CD47: variants seen among roughly 807,000 people sequenced by gnomAD.
CD47 encodes CD47 molecule.
A neutral mutation model predicts 44.6 loss-of-function variants in CD47; 11 were observed. The ratio of observed to expected loss-of-function variants is 0.25; its 90% CI spans 0.16 to 0.41. The LOEUF is 0.41. Among genes scored for constraint, CD47 ranks in the 10% least tolerant of loss-of-function variants. The probability of loss-of-function intolerance (pLI) is 1.00; values close to 1 mark genes in which losing one functional copy is unlikely to be tolerated. For missense variants in CD47, 306 were observed against 386.7 expected (o/e 0.79, Z 1.75); for synonymous variants, 140 against 136.3 (o/e 1.03, Z -0.19).
chr3:108,056,390 C>A (rs575467453), intron 7 of CD47, among the ~76,000 whole-genome samples: 1 of 152,076 alleles, frequency 6.6e-6, no homozygotes, highest in Non-Finnish European at 1.5e-5. Context: ...GAATATATGA[C>A]AGAATTGAAT....
chr3:108,058,111 G>A (rs545164833), intron 6 of CD47, among the ~76,000 whole-genome samples: 16 of 152,060 alleles, frequency 1.1e-4, no homozygotes, highest in South Asian at 4.2e-4. Flanking sequence ...TTACAGTCCC[G>A]TAATTGCACT....
At chr3:108,061,976 G>T (rs547317256) in intron 3 of CD47, among the ~76,000 whole-genome samples, 97 of 152,146 alleles carry the variant, frequency 6.4e-4, no homozygotes, top group African/African-American at 2.2e-3. Context: ...TATGTTTAAG[G>T]TATATGACAG....
At chr3:108,061,026 C>A (rs548304268) in intron 3 of CD47, among the ~76,000 whole-genome samples, 174 bp from the exon 4 acceptor site, 1 of 151,736 alleles carries the variant, frequency 6.6e-6, no homozygotes, top group Non-Finnish European at 1.5e-5. Context: ...AAATGGATAA[C>A]GTCACGGCAG....
intron 8 of CD47, 106 bp downstream of exon 8, chr3:108,051,833 A>T: frequency 1.2e-6 from 1 of 856,860 alleles, no homozygotes; most frequent in Non-Finnish European, 2.0e-6. Flanking sequence ...ACATTCTCTT[A>T]ATTTGACGTG....
intron 1 of CD47, among the ~76,000 whole-genome samples, chr3:108,089,627 C>T (rs982492301): frequency 1.3e-5 from 2 of 152,096 alleles, no homozygotes; most frequent in African/African-American, 4.8e-5. Flanking sequence ...GAAACACTAA[C>T]ATCAACCATT....
Position 108,090,902 on chromosome 3 carries a change from G to A in CD47, c.7C>T (p.Pro3Ser), listed in dbSNP as rs2108280759. The A allele has an allele frequency of 6.8e-7, 1 of 1,480,896 alleles. No homozygotes were observed. The highest frequency in any genetic ancestry group is 1.5e-5 in the African/African-American group (1 of 68,342). 91.7% of individuals were successfully genotyped at this position (1,480,896 alleles called of 1,614,324 possible). Reference protein sequence around the residue: MWPLVAALLLGSA... With the variant: MWSLVAALLLGSA... Reference sequence around the variant, plus strand: ...CCCAGCAACAGCGCCGCTACCAGGGGCCACATCTCCGCGCCCGCCGCGGGG... The same window carrying A: ...CCCAGCAACAGCGCCGCTACCAGGGACCACATCTCCGCGCCCGCCGCGGGG... Residue 3 changes from proline to serine, a missense_variant, in exon 1 of 11, where the codon CCC becomes TCC. Transcript: ENST00000361309.
intron 3 of CD47, among the ~76,000 whole-genome samples, 164 bp downstream of exon 3, chr3:108,070,929 C>T (rs188937306): frequency 3.8e-4 from 58 of 152,026 alleles, no homozygotes; most frequent in Admixed American, 3.0e-3. Flanking sequence ...AAAATGTGGG[C>T]GACAACATAT....
rs772017395 is a variant in CD47 at position 108,080,328 on chromosome 3, T to G, written c.63A>C (p.Leu21=). The change falls in exon 2 of 11, where the codon CTA becomes CTC. Residue 21 remains leucine (L), a synonymous_variant. Transcript: ENST00000361309. ...ATTCTACAGATTTTGTTTTATTAAA[T>G]AGTAGCTGAGCTGATCCTGGAAAGG... is the stretch of plus-strand genomic sequence containing the variant. ...GSACCGSAQL[L]FNKTKSVEFT... 2.5e-6 allele frequency: 4 copies of G among 1,591,218 alleles called. No individual in the cohort carries two copies. Among genetic ancestry groups the G allele is most frequent in the Non-Finnish European group, 3.4e-6 (4 of 1,161,204 alleles).
At chr3:108,083,738 T>C (rs2079461614) in intron 1 of CD47, among the ~76,000 whole-genome samples, 1 of 151,978 alleles carries the variant, frequency 6.6e-6, no homozygotes, top group Non-Finnish European at 1.5e-5. Context: ...CGCTTCTTTT[T>C]AACAACTCTT....
intron 2 of CD47, among the ~76,000 whole-genome samples, chr3:108,073,481 T>C (rs758818247): frequency 1.5e-4 from 23 of 151,918 alleles, no homozygotes; most frequent in Non-Finnish European, 2.8e-4. Flanking sequence ...GAAAGGCCTC[T>C]AGGGAGAGGA....
At chr3:108,072,255 T>C (rs914553791) in intron 2 of CD47, among the ~76,000 whole-genome samples, 3 of 152,186 alleles carry the variant, frequency 2.0e-5, no homozygotes, top group Non-Finnish European at 4.4e-5. Flanking sequence ...AAGCAAGCAC[T>C]AGCATTCCTC....
At chr3:108,049,684 G>C (rs748585160) in intron 9 of CD47, 33 bp from the exon 10 acceptor site, 1 of 1,552,566 alleles carries the variant, frequency 6.4e-7, no homozygotes, top group South Asian at 1.1e-5. Flanking sequence ...CAGGCAGTTA[G>C]TGAGGTTCCA....
At chr3:108,050,211 G>A (rs1472867992) in intron 9 of CD47, among the ~76,000 whole-genome samples, 3 of 152,154 alleles carry the variant, frequency 2.0e-5, no homozygotes, top group Admixed American at 6.5e-5. Flanking sequence ...TCTGCCTTCC[G>A]GGTTCAAGCA....
At chr3:108,051,513 C>T (rs1400146071) in intron 8 of CD47, among the ~76,000 whole-genome samples, 1 of 152,132 alleles carries the variant, frequency 6.6e-6, no homozygotes, top group Non-Finnish European at 1.5e-5. Context: ...GCAATATTTA[C>T]ATTTATTTTA....
chr3:108,071,336 T>C (rs915080111), intron 2 of CD47, among the ~76,000 whole-genome samples, 154 bp from the exon 3 acceptor site: 4 of 152,224 alleles, frequency 2.6e-5, no homozygotes, highest in African/African-American at 9.6e-5. Context: ...TACACACATA[T>C]ACATAAAACA....
intron 2 of CD47, among the ~76,000 whole-genome samples, chr3:108,076,512 C>G (rs189813255): frequency 3.3e-5 from 5 of 152,220 alleles, no homozygotes; most frequent in Admixed American, 3.3e-4. Context: ...GGTAAAAATA[C>G]TGGGTTTTGA....
At chr3:108,049,217 C>T (rs911804523) in intron 10 of CD47, among the ~76,000 whole-genome samples, 6 of 151,066 alleles carry the variant, frequency 4.0e-5, no homozygotes, top group African/African-American at 1.5e-4. Context: ...ATGTTAAGTC[C>T]CCATGGGTTA....
chr3:108,079,857 C>T (rs932336259), intron 2 of CD47, 134 bp downstream of exon 2: 7 of 596,398 alleles, frequency 1.2e-5, no homozygotes, highest in Non-Finnish European at 2.1e-5. Context: ...ACTTGCTAAA[C>T]ATTACATCAA....
intron 1 of CD47, among the ~76,000 whole-genome samples, chr3:108,087,018 T>A (rs1308129847): frequency 6.6e-6 from 1 of 151,778 alleles, no homozygotes; most frequent in East Asian, 1.9e-4. Flanking sequence ...GCAGAGGGAG[T>A]CCAAACCACA....
Sources: gnomAD v4.1 joint callset for allele counts (sites outside exome capture counted in the v4.1 genomes callset) on GRCh38, gnomAD v4.1.1 for gene constraint, MANE v1.5 for transcripts, NCBI Gene and HGNC (gene_info 2026-07-23, HGNC 2026-07-21) for gene names.